The following VPS45 variants were observed in gnomAD, a reference collection of about 807,000 sequenced individuals.
VPS45 encodes vacuolar protein sorting-associated protein 45.
Under a neutral mutation model 75.9 loss-of-function variants are expected in VPS45, and 35 were observed. The observed-to-expected ratio is 0.46, with a 90% confidence interval of 0.35 to 0.61. The LOEUF (loss-of-function observed/expected upper bound fraction) is 0.61. Among genes scored for constraint, VPS45 ranks in the 20% least tolerant of loss-of-function variants. VPS45 has a pLI of 0.00. For synonymous variants in VPS45, 220 were observed against 238.2 expected, an observed-to-expected ratio of 0.92 and a Z score of 0.70; for missense variants, 559 against 685.9, an observed-to-expected ratio of 0.81 and a Z score of 2.07.
At chr1:150,074,348 C>T (rs1191676189) in intron 3 of VPS45, among the ~76,000 whole-genome samples, 1 of 151,808 alleles carries the variant, frequency 6.6e-6, no homozygotes, top group Non-Finnish European at 1.5e-5. Flanking sequence ...TAGTTCATTC[C>T]TCCTTTGAGC....
chr1:150,092,878 G>A (rs1656413258), intron 12 of VPS45, among the ~76,000 whole-genome samples: 1 of 110,430 alleles, frequency 9.1e-6, no homozygotes, highest in Admixed American at 1.5e-4. Flanking sequence ...GTCTCGCTCT[G>A]TCTCCCAGGC....
At chr1:150,107,901 CA>C (rs367885029) in intron 13 of VPS45, among the ~76,000 whole-genome samples, 1 of 150,730 alleles carries the variant, frequency 6.6e-6, no homozygotes, top group African/African-American at 2.4e-5. Context: ...GACTCCGTCT[CA>C]AAAAAAAAGC....
At chr1:150,133,440 G>A (rs140144173) in intron 14 of VPS45, among the ~76,000 whole-genome samples, 1 of 152,246 alleles carries the variant, frequency 6.6e-6, no homozygotes, top group Non-Finnish European at 1.5e-5. Context: ...TGTAATCCCA[G>A]CTGTTCGGGA....
intron 14 of VPS45, among the ~76,000 whole-genome samples, chr1:150,120,833 T>C (rs587593944): frequency 6.6e-6 from 1 of 152,108 alleles, no homozygotes; most frequent in South Asian, 2.1e-4. Flanking sequence ...CAAGGAACTT[T>C]GCAGAAGCAA....
intron 2 of VPS45, among the ~76,000 whole-genome samples, chr1:150,069,669 G>A (rs1553796617): frequency 1.3e-5 from 2 of 152,040 alleles, no homozygotes. Flanking sequence ...TGTTAGCCAG[G>A]ATGGTCTTGA....
intron 14 of VPS45, among the ~76,000 whole-genome samples, chr1:150,122,769 C>T (rs1249476142): frequency 6.6e-6 from 1 of 151,820 alleles, no homozygotes; most frequent in African/African-American, 2.4e-5. Context: ...GAGGCTGAGG[C>T]GGGTGGATCA....
chr1:150,141,312 T>A (rs72694945), intron 14 of VPS45, among the ~76,000 whole-genome samples: 16,102 of 152,184 alleles, frequency 0.11, 1,195 homozygotes, highest in Non-Finnish European at 0.17. Context: ...CCCCTTGGTG[T>A]CTTTGGTATA....
At chr1:150,120,792 A>G (rs1397599589) in intron 14 of VPS45, among the ~76,000 whole-genome samples, 4 of 152,144 alleles carry the variant, frequency 2.6e-5, no homozygotes, top group African/African-American at 9.7e-5. Flanking sequence ...CACCATTTAA[A>G]ATAGAAGGCA....
chr1:150,077,742 A>G lies in VPS45; in HGVS notation c.650A>G (p.Asp217Gly). ...GTTCCTCCATTGCTCCTTATTTTAG[A>G]TCGCTGTGATGATGCCATCACCCCA... Reference protein sequence around the residue: ...TEVPPLLLILDRCDDAITPLL... With the variant: ...TEVPPLLLILGRCDDAITPLL... The change falls in exon 7 of 15, where the codon GAT becomes GGT. Residue 217 changes from aspartate to glycine, a missense_variant. Physicochemically the swap from Asp to Gly is moderately conservative, Grantham distance 94. Transcript: ENST00000644510. 1 of 1,614,056 alleles carries G rather than the reference A, an allele frequency of 6.2e-7. No individual in the cohort carries two copies. The highest frequency in any genetic ancestry group is 8.5e-7 in the Non-Finnish European group (1 of 1,179,970).
intron 12 of VPS45, among the ~76,000 whole-genome samples, chr1:150,092,837 C>CTT (rs11451750): frequency 0.56 from 52,983 of 94,882 alleles, 16,044 homozygotes; most frequent in South Asian, 0.78. Context: ...GCTAGCCTTT[C>CTT]TTTTTTTTTT....
In VPS45 at chr1:150,082,732, A is replaced by T; in HGVS notation, c.953A>T (p.Tyr318Phe). Reference sequence around the variant, plus strand: ...CCATGGCAGGCGTTTGTTGAGAATTATCCACAGTTCAAGAAAATGTCTGGG... The same window carrying T: ...CCATGGCAGGCGTTTGTTGAGAATTTTCCACAGTTCAAGAAAATGTCTGGG... ...IADMKAFVEN[Y>F]PQFKKMSGTV... The change falls in exon 10 of 15, where the codon TAT becomes TTT. Residue 318 changes from tyrosine (Y) to phenylalanine (F), a missense_variant. Physicochemically the swap from Tyr to Phe is conservative, Grantham distance 22 (BLOSUM62 3). Transcript: ENST00000644510. The T allele has an allele frequency of 6.2e-7, 1 of 1,613,224 alleles. No homozygotes were observed. The highest frequency in any genetic ancestry group is 8.5e-7 in the Non-Finnish European group (1 of 1,179,710).
chr1:150,140,598 C>T (rs782533116), intron 14 of VPS45, among the ~76,000 whole-genome samples: 1 of 151,700 alleles, frequency 6.6e-6, no homozygotes, highest in Admixed American at 6.6e-5. Flanking sequence ...TTACTTTCTT[C>T]ATTGCTGTAT....
chr1:150,110,343 A>G lies in VPS45; in HGVS notation c.1494-153A>G, dbSNP rs587719162. On this transcript the variant is annotated intron_variant, in intron 13 of 14. Coordinates refer to ENST00000644510, the MANE Select transcript of VPS45 (RefSeq NM_007259.5). The stretch of plus-strand genomic sequence containing the variant: ...CTCTGTTTCCTGCCAATTTCAGATA[A>G]TTGAAACTTTTTTTAAACCTTTTAT... The G allele has an allele frequency of 3.3e-5, 23 of 699,646 alleles. No individual in the cohort carries two copies. The South Asian group carries it at 6.8e-4, about 21-fold the overall frequency. 43.3% of individuals were successfully genotyped at this position (699,646 alleles called of 1,614,324 possible). A position where few individuals can be genotyped will look rare whatever the true frequency, so the allele number is the denominator to read the frequency against.
intron 14 of VPS45, among the ~76,000 whole-genome samples, chr1:150,123,584 G>A (rs1315789844): frequency 2.0e-5 from 3 of 152,164 alleles, no homozygotes; most frequent in South Asian, 2.1e-4. Context: ...GCAAATAAAC[G>A]AGCATCTTGG....
At chr1:150,115,450 C>G (rs7518829) in intron 14 of VPS45, among the ~76,000 whole-genome samples, 2,480 of 152,028 alleles carry the variant, frequency 0.016, 62 homozygotes, top group African/African-American at 0.057. Context: ...CTTTATTTTT[C>G]CTAAACCACA....
intron 14 of VPS45, among the ~76,000 whole-genome samples, chr1:150,118,985 C>T (rs1484469317): frequency 1.3e-5 from 2 of 152,148 alleles, no homozygotes; most frequent in African/African-American, 4.8e-5. Flanking sequence ...ATTTTTGCAA[C>T]ACATAAATGA....
rs1571819089 is a variant in VPS45, at chr1:150,075,038, G to A, written c.290-1195G>A. Among the ~76,000 whole-genome samples, 3 of 113,642 alleles carry A rather than the reference G, an allele frequency of 2.6e-5. No individual in the cohort carries two copies. The South Asian group carries it at 8.3e-4, about 32-fold the overall frequency. 74.6% of individuals were successfully genotyped at this position (113,642 alleles called of 152,430 possible). On this transcript the variant is annotated intron_variant, in intron 3 of 14. Coordinates refer to ENST00000644510, the MANE Select transcript of VPS45 (RefSeq NM_007259.5). ...TGCAGTGGCATGATCTCGGCTCACT[G>A]TAACCTCAACTTCCCAGGTTCAAGT...
chr1:150,075,265 C>A (rs1324821394), intron 3 of VPS45, among the ~76,000 whole-genome samples: 2 of 151,554 alleles, frequency 1.3e-5, no homozygotes, highest in East Asian at 3.9e-4. Flanking sequence ...CCCCTGCTGC[C>A]CCATGCAATT....
rs1191051819 is a variant in VPS45, at chr1:150,110,570, G to T, written c.1568G>T (p.Arg523Leu). 6 of 1,613,740 alleles carry T rather than the reference G, an allele frequency of 3.7e-6. No homozygotes were observed. The highest frequency in any genetic ancestry group is 5.1e-6 in the Non-Finnish European group (6 of 1,179,800). Reference sequence around the variant, plus strand: ...GCTCTAACAGTTTATAACCTGAACCGCACCACTCCTGGAGTGAGGATTGTC... The same window carrying T: ...GCTCTAACAGTTTATAACCTGAACCTCACCACTCCTGGAGTGAGGATTGTC... ...EEALTVYNLN[R>L]TTPGVRIVLG... The change falls in exon 14 of 15, where the codon CGC becomes CTC. Residue 523 changes from arginine to leucine, a missense_variant. Physicochemically the swap from Arg to Leu is moderately radical, Grantham distance 102. Transcript: ENST00000644510.
Sources: gnomAD v4.1 joint callset for allele counts (sites outside exome capture counted in the v4.1 genomes callset) on GRCh38, gnomAD v4.1.1 for gene constraint, MANE v1.5 for transcripts, NCBI Gene and HGNC (gene_info 2026-07-23, HGNC 2026-07-21) for gene names.